Variants in GNG2 observed in about 807,000 individuals in gnomAD.
GNG2 encodes the protein G protein subunit gamma 2, also known as guanine nucleotide-binding protein G(I)/G(S)/G(O) subunit gamma-2.
Under a neutral mutation model 5.5 loss-of-function variants are expected in GNG2, and 5 were observed. The observed-to-expected ratio is 0.91, with a 90% CI of 0.48 to 1.92. The LOEUF (loss-of-function observed/expected upper bound fraction) is 1.92, where lower values mean the gene tolerates loss of function less well. Among genes scored for constraint, GNG2 ranks in the 30% most tolerant of loss-of-function variants. GNG2 has a pLI of 0.01. For missense variants in GNG2, 55 were observed against 88.4 expected (o/e 0.62, Z 1.52); for synonymous variants, 28 against 32.0 (o/e 0.88, Z 0.42).
intron 2 of GNG2, among the ~76,000 whole-genome samples, chr14:51,897,095 G>T (rs1161268614): frequency 6.6e-6 from 1 of 152,182 alleles, no homozygotes; most frequent in Non-Finnish European, 1.5e-5. Flanking sequence ...CGTCCTTTTA[G>T]CCACAATCCA....
intron 2 of GNG2, among the ~76,000 whole-genome samples, chr14:51,833,247 C>T (rs1057270936): frequency 6.6e-6 from 1 of 152,172 alleles, no homozygotes; most frequent in African/African-American, 2.4e-5. Flanking sequence ...ACCTCCGGTA[C>T]CTCTTCATAG....
At chr14:51,946,487 A>C (rs1245090382) in intron 2 of GNG2, among the ~76,000 whole-genome samples, 1 of 152,218 alleles carries the variant, frequency 6.6e-6, no homozygotes, top group Non-Finnish European at 1.5e-5. Flanking sequence ...GATCACAAAG[A>C]ATAAAAAACC....
At chr14:51,828,064 G>A (rs1329920703) in intron 2 of GNG2, among the ~76,000 whole-genome samples, 2 of 152,234 alleles carry the variant, frequency 1.3e-5, no homozygotes, top group Non-Finnish European at 2.9e-5. Context: ...GAGAGGCCTC[G>A]GTAGAACTGA....
chr14:51,858,843 TAAATC>T (rs1173506281), upstream of GNG2, among the ~76,000 whole-genome samples: 2 of 152,308 alleles, frequency 1.3e-5, no homozygotes, highest in African/African-American at 4.8e-5. Context: ...TTTTCAATCT[TAAATC>T]AATCCATTTT....
chr14:51,962,105 C>G (rs191616935), intron 3 of GNG2, among the ~76,000 whole-genome samples: 287 of 152,238 alleles, frequency 1.9e-3, no homozygotes, highest in African/African-American at 6.6e-3. Flanking sequence ...TCTGCTCAAG[C>G]CTATGGTCTC....
rs953872766 is a variant in GNG2 at position 51,931,969 on chromosome 14, G to A, written c.-29-18681G>A. ...TGGATGAATAAAGAAAATGTGGGCC[G>A]GGCGCGGTGGCTCACGCCTGTAATC... On this transcript the variant is annotated intron_variant, in intron 2 of 3. Coordinates refer to ENST00000556766, the MANE Select transcript of GNG2 (RefSeq NM_053064.5). Among the ~76,000 whole-genome samples, 22 of 152,112 alleles carry A rather than the reference G, an allele frequency of 1.4e-4. No homozygotes were observed. In the South Asian group the frequency reaches 1.7e-3, roughly 11 times the overall value.
At chr14:51,888,961 A>C (rs769921300) in intron 2 of GNG2, among the ~76,000 whole-genome samples, 11 of 152,188 alleles carry the variant, frequency 7.2e-5, no homozygotes, top group Non-Finnish European at 1.2e-4. Context: ...AAGAAACTAG[A>C]CACAACAGGC....
chr14:51,962,792 A>C (rs781573680), intron 3 of GNG2, among the ~76,000 whole-genome samples: 1 of 152,342 alleles, frequency 6.6e-6, no homozygotes, highest in East Asian at 1.9e-4. Context: ...AAATGTTAGC[A>C]GGGATTGTCA....
At position 51,841,436 on chromosome 14, in the gene GNG2, T is replaced by TTGTG. The variant is rs1407309824; in HGVS notation, c.64+13629_64+13630insTGTG. 4.7e-6 allele frequency: 3 copies of TTGTG among 642,314 alleles called. No homozygotes were observed. In the East Asian group the frequency reaches 8.2e-5, roughly 18 times the overall value. 39.8% of individuals were successfully genotyped at this position (642,314 alleles called of 1,614,324 possible). ...AAACAAAAAGCCTGGCACTGTTTGT[T>TTGTG]CTGTATGAATTCATATAATCCTCAC... On this transcript the variant is annotated intron_variant, in intron 2 of 3. Transcript: ENST00000553432.
chr14:51,966,794 G>C lies in GNG2; in HGVS notation c.*107G>C. The C allele has an allele frequency of 1.0e-6, 1 of 956,594 alleles. No individual in the cohort carries two copies. 59.3% of individuals were successfully genotyped at this position (956,594 alleles called of 1,614,324 possible). A position where few individuals can be genotyped will look rare whatever the true frequency, so the allele number is the denominator to read the frequency against. Reference sequence around the variant, plus strand: ...CCACGGCATTTGAAGAGAGCGAGGAGAACCATTCTGGAAACTCTAGGCTAT... The same window carrying C: ...CCACGGCATTTGAAGAGAGCGAGGACAACCATTCTGGAAACTCTAGGCTAT... On this transcript the variant is annotated 3_prime_UTR_variant, in exon 4 of 4. Coordinates refer to ENST00000556766, the MANE Select transcript of GNG2 (RefSeq NM_053064.5).
At chr14:51,916,291 C>A in intron 2 of GNG2, 1 of 281,178 alleles carries the variant, frequency 3.6e-6, no homozygotes, top group Non-Finnish European at 7.0e-6. Context: ...GACGAAAACA[C>A]AGAAATTGAG....
At chr14:51,910,908 C>A (rs886125906) in intron 2 of GNG2, among the ~76,000 whole-genome samples, 5 of 152,232 alleles carry the variant, frequency 3.3e-5, no homozygotes, top group Admixed American at 2.0e-4. Context: ...TATGGGTCAC[C>A]TGTCTACATG....
intron 2 of GNG2, among the ~76,000 whole-genome samples, chr14:51,916,805 T>C (rs1886672978): frequency 6.6e-6 from 1 of 152,166 alleles, no homozygotes; most frequent in Non-Finnish European, 1.5e-5. Context: ...CAGCCTCCCA[T>C]CTAATAGCAT....
At chr14:51,939,358 C>G (rs148924622) in intron 2 of GNG2, among the ~76,000 whole-genome samples, 91 of 152,202 alleles carry the variant, frequency 6.0e-4, no homozygotes, top group Non-Finnish European at 1.0e-3. Flanking sequence ...TGTTTTTTGT[C>G]AGGGTTGTTA....
intron 2 of GNG2, among the ~76,000 whole-genome samples, chr14:51,942,321 C>T (rs547337875): frequency 4.6e-5 from 7 of 151,940 alleles, no homozygotes; most frequent in Non-Finnish European, 1.0e-4. Context: ...GTACTATGGG[C>T]CTTTGAGCAG....
chr14:51,874,085 A>G (rs181345150), intron 1 of GNG2: 1 of 152,356 alleles, frequency 6.6e-6, no homozygotes, highest in East Asian at 1.9e-4. Flanking sequence ...AATTAAAGGT[A>G]TGAGTGTACA....
At chr14:51,955,569 A>T (rs1304479131) in intron 3 of GNG2, among the ~76,000 whole-genome samples, 1 of 152,228 alleles carries the variant, frequency 6.6e-6, no homozygotes, top group Non-Finnish European at 1.5e-5. Context: ...TTGTGTATTA[A>T]GAGTGTCATA....
chr14:51,944,884 T>A (rs1335084978), intron 2 of GNG2, among the ~76,000 whole-genome samples: 1 of 152,160 alleles, frequency 6.6e-6, no homozygotes, highest in Non-Finnish European at 1.5e-5. Context: ...GTAAACCACT[T>A]ATATGATACA....
At chr14:51,935,535 T>G (rs1887941680) in intron 2 of GNG2, among the ~76,000 whole-genome samples, 1 of 152,116 alleles carries the variant, frequency 6.6e-6, no homozygotes, top group African/African-American at 2.4e-5. Context: ...TTAATAATGC[T>G]CCCAATTTGG....
Sources: gnomAD v4.1 joint callset for allele counts (sites outside exome capture counted in the v4.1 genomes callset) on GRCh38, gnomAD v4.1.1 for gene constraint, MANE v1.5 for transcripts, NCBI Gene and HGNC (gene_info 2026-07-23, HGNC 2026-07-21) for gene names.